Variants in PTCHD1 observed in about 807,000 individuals in gnomAD.
PTCHD1 encodes patched domain containing 1.
A neutral mutation model predicts 34.6 loss-of-function variants in PTCHD1; 3 were observed. That is an observed-to-expected ratio of 0.09 (90% confidence interval 0.04 to 0.22). PTCHD1 has a LOEUF of 0.22. Among genes scored for constraint, PTCHD1 ranks in the 10% least tolerant of loss-of-function variants. The pLI is 1.00. For synonymous variants in PTCHD1, 305 were observed against 283.1 expected (o/e 1.08, Z -0.77); for missense variants, 504 against 685.5 (o/e 0.74, Z 2.96).
At chrX:23,374,001 C>T (rs1203766574) in intron 1 of PTCHD1, among the ~76,000 whole-genome samples, 2 of 110,381 alleles carry the variant, frequency 1.8e-5, no homozygotes, top group Admixed American at 1.9e-4. Context: ...TTAATGTATG[C>T]AGCTTATTTG....
chrX:23,364,129 T>A (rs374893973), intron 1 of PTCHD1, among the ~76,000 whole-genome samples: 2 of 111,064 alleles, frequency 1.8e-5, no homozygotes, highest in Non-Finnish European at 3.8e-5. Flanking sequence ...GATTCCATTT[T>A]TAGGAAGCTG....
chrX:23,358,028 T>A (rs1442188562), intron 1 of PTCHD1, among the ~76,000 whole-genome samples: 1 of 112,054 alleles, frequency 8.9e-6, no homozygotes, highest in Non-Finnish European at 1.9e-5. Context: ...ATGGTGTATA[T>A]GTGCCACATT....
At chrX:23,363,130 T>C (rs1434497522) in intron 1 of PTCHD1, among the ~76,000 whole-genome samples, 2 of 112,504 alleles carry the variant, frequency 1.8e-5, no homozygotes, top group Non-Finnish European at 3.8e-5. Context: ...GGAGGCAGTC[T>C]GTCCATTCTC....
At chrX:23,353,609 C>CA (rs200478194) in intron 1 of PTCHD1, among the ~76,000 whole-genome samples, 132 of 96,304 alleles carry the variant, frequency 1.4e-3, no homozygotes, top group East Asian at 2.8e-3. Flanking sequence ...CAAAACAAAA[C>CA]AAAAAAAAAA....
Position 23,373,147 on chromosome X carries a change from C to T in PTCHD1, c.352-6444C>T, listed in dbSNP as rs747297219. Among the ~76,000 whole-genome samples the T allele has an allele frequency of 2.9e-4, 33 of 112,826 alleles. No individual in the cohort carries two copies. In the South Asian group the frequency reaches 0.012, roughly 40 times the overall value. On this transcript the variant is annotated intron_variant, in intron 1 of 2. Coordinates refer to ENST00000379361, the MANE Select transcript of PTCHD1 (RefSeq NM_173495.3). ...TTTTTGTTTCTAAAATCTCAGATTT[C>T]TCTGCTTCAAATCTAAAGCTGCCTT...
At position 23,394,147 on chromosome X, in the gene PTCHD1, G is replaced by A. The variant is rs748354210; in HGVS notation, c.2629G>A (p.Asp877Asn). The A allele has an allele frequency of 3.4e-5, 41 of 1,205,570 alleles. No individual in the cohort carries two copies. Among genetic ancestry groups the A allele is most frequent in the Non-Finnish European group, 3.9e-5 (35 of 892,951 alleles). ...TGAGTGTGTAGAAATGGTAGATATCGATAGTACCCGTGTGGTTGACCAAAT... is the reference window on the plus strand; with the variant it reads ...TGAGTGTGTAGAAATGGTAGATATCAATAGTACCCGTGTGGTTGACCAAAT... ...EIECVEMVDI[D>N]STRVVDQITT... is the part of the protein sequence containing the mutation. Residue 877 changes from aspartate to asparagine, a missense_variant, in exon 3 of 3, where the codon GAT becomes AAT. Coordinates refer to ENST00000379361, the MANE Select transcript of PTCHD1 (RefSeq NM_173495.3).
intron 1 of PTCHD1, among the ~76,000 whole-genome samples, chrX:23,350,322 T>C (rs1921595209): frequency 9.0e-6 from 1 of 111,065 alleles, no homozygotes; most frequent in African/African-American, 3.3e-5. Context: ...GAACATACAC[T>C]GAAAATGCCA....
In PTCHD1 at chrX:23,394,727, T is replaced by A. The variant is rs1922943157; in HGVS notation, c.*542T>A. On this transcript the variant is annotated 3_prime_UTR_variant, in exon 3 of 3. Transcript: ENST00000379361. ...ACACTGAAGGAGATACTTGTGAAAGTTCTGACCAGCAAAAGCAAGCCAGAG... is the reference window on the plus strand; with the variant it reads ...ACACTGAAGGAGATACTTGTGAAAGATCTGACCAGCAAAAGCAAGCCAGAG... 2 of 114,461 alleles carry A rather than the reference T, an allele frequency of 1.7e-5. No individual in the cohort carries two copies. The highest frequency in any genetic ancestry group is 3.7e-5 in the Non-Finnish European group (2 of 54,362). The allele number at this position is 114,461 out of a possible 1,213,427, so 9.4% of individuals were successfully genotyped here.
At chrX:23,358,004 C>T (rs1009455421) in intron 1 of PTCHD1, among the ~76,000 whole-genome samples, 1 of 111,950 alleles carries the variant, frequency 8.9e-6, no homozygotes, top group African/African-American at 3.3e-5. Context: ...TTTTTTGTGG[C>T]TCCATAGTAT....
chrX:23,380,602 T>C (rs1922537491), intron 2 of PTCHD1, among the ~76,000 whole-genome samples: 1 of 110,926 alleles, frequency 9.0e-6, no homozygotes, highest in South Asian at 3.9e-4. Flanking sequence ...ATTTGGGAGG[T>C]GAGCCCAGGA....
rs1371817434 is a variant in PTCHD1, at chrX:23,403,933, C to T, written c.*9748C>T. ...TTGTACTACTTGAGTTTCTCTAATG[C>T]CTAAAATATGCATTTAAATCATCCC... On this transcript the variant is annotated 3_prime_UTR_variant, in exon 3 of 3. Transcript: ENST00000379361. 8.9e-6 allele frequency: 1 copy of T among 111,855 alleles called. No homozygotes were observed. Among genetic ancestry groups the T allele is most frequent in the African/African-American group, 3.3e-5 (1 of 30,742 alleles). The allele number at this position is 111,855 out of a possible 1,213,427, so 9.2% of individuals were successfully genotyped here. A position where few individuals can be genotyped will look rare whatever the true frequency, so the allele number is the denominator to read the frequency against.
chrX:23,342,317 T>TA (rs1921360409), intron 1 of PTCHD1, among the ~76,000 whole-genome samples: 1 of 28,234 alleles, frequency 3.5e-5, no homozygotes, highest in Non-Finnish European at 4.5e-5. Flanking sequence ...TATATTTTTT[T>TA]TTTTTTTTTT....
intron 1 of PTCHD1, among the ~76,000 whole-genome samples, chrX:23,365,422 G>A (rs911397408): frequency 9.0e-6 from 1 of 111,255 alleles, no homozygotes; most frequent in Admixed American, 9.6e-5. Context: ...TGTTTCAGAA[G>A]CCAATCCTGA....
rs1042981414 is a variant in PTCHD1, at chrX:23,402,922, T to C, written c.*8737T>C. On this transcript the variant is annotated 3_prime_UTR_variant, in exon 3 of 3. Coordinates refer to ENST00000379361, the MANE Select transcript of PTCHD1 (RefSeq NM_173495.3). ...AATAGTGATAACTGTTCAATGTTGCTTTAACAGTCCAATTGTAGTAGGTGA... is the reference window on the plus strand; with the variant it reads ...AATAGTGATAACTGTTCAATGTTGCCTTAACAGTCCAATTGTAGTAGGTGA... 1.3e-4 allele frequency: 15 copies of C among 112,599 alleles called. No individual in the cohort carries two copies. The highest frequency in any genetic ancestry group is 3.8e-4 in the Admixed American group (4 of 10,651). 9.3% of individuals were successfully genotyped at this position (112,599 alleles called of 1,213,427 possible). A position where few individuals can be genotyped will look rare whatever the true frequency, so the allele number is the denominator to read the frequency against.
intron 1 of PTCHD1, among the ~76,000 whole-genome samples, chrX:23,341,220 C>T (rs1179731460): frequency 1.8e-5 from 2 of 111,196 alleles, no homozygotes; most frequent in African/African-American, 3.3e-5. Context: ...TTGATAGATG[C>T]CATATTAGAG....
intron 1 of PTCHD1, among the ~76,000 whole-genome samples, chrX:23,375,430 C>G (rs1255064730): frequency 9.0e-6 from 1 of 110,644 alleles, no homozygotes; most frequent in African/African-American, 3.3e-5. Flanking sequence ...GCTGGGATAA[C>G]AGGCGCACAC....
intron 2 of PTCHD1, 76 bp from the exon 3 acceptor site, chrX:23,392,455 C>A: frequency 1.5e-6 from 1 of 688,796 alleles, no homozygotes; most frequent in Non-Finnish European, 2.3e-6. Flanking sequence ...CCAGTAGTCC[C>A]TCATAATCAA....
chrX:23,353,480 G>A (rs1175588108), intron 1 of PTCHD1, among the ~76,000 whole-genome samples: 2 of 112,545 alleles, frequency 1.8e-5, no homozygotes, highest in African/African-American at 3.2e-5. Flanking sequence ...TCCCAGCTAC[G>A]CGGGAGGCTG....
chrX:23,335,325 C>A, intron 1 of PTCHD1, 99 bp downstream of exon 1: 1 of 703,036 alleles, frequency 1.4e-6, no homozygotes, highest in Non-Finnish European at 2.2e-6. Flanking sequence ...CCTCTCCTAG[C>A]CCAGGCAGCT....
Sources: allele counts gnomAD v4.1 joint callset (sites outside exome capture counted in the v4.1 genomes callset), GRCh38; gene constraint gnomAD v4.1.1; transcripts MANE v1.5; gene names NCBI Gene and HGNC (gene_info 2026-07-23, HGNC 2026-07-21).